TNR: variants seen among roughly 807,000 people sequenced by gnomAD.
TNR encodes tenascin R, also known as tenascin-R.
Under a neutral mutation model 150.4 loss-of-function variants are expected in TNR, and 45 were observed. The observed-to-expected ratio is 0.30, with a 90% confidence interval of 0.24 to 0.38. The LOEUF (loss-of-function observed/expected upper bound fraction) is 0.38. Ranked by LOEUF, TNR falls within the 10% of genes least tolerant of loss-of-function variation. The pLI, the probability that TNR is intolerant of heterozygous loss-of-function variation, is 1.00. For synonymous variants in TNR, 687 were observed against 678.4 expected (o/e 1.01, Z -0.20); for missense variants, 1,544 against 1,759.1 (o/e 0.88, Z 2.19).
chr1:175,384,016 T>C (rs1368177497), intron 8 of TNR, among the ~76,000 whole-genome samples: 4 of 152,216 alleles, frequency 2.6e-5, no homozygotes, highest in Non-Finnish European at 4.4e-5. Context: ...GTAATTGTCT[T>C]GATCAGAATT....
chr1:175,390,793 G>A (rs1376934722), intron 7 of TNR, among the ~76,000 whole-genome samples: 1 of 152,240 alleles, frequency 6.6e-6, no homozygotes, highest in Non-Finnish European at 1.5e-5. Context: ...TCAGCACAGA[G>A]CTGATTGCTT....
chr1:175,628,358 GGGACCTAT>G (rs1664219925), intron 1 of TNR, among the ~76,000 whole-genome samples: 1 of 152,024 alleles, frequency 6.6e-6, no homozygotes, highest in African/African-American at 2.4e-5. Context: ...GCCACTTAAA[GGGACCTAT>G]GGGGAAGGGG....
Position 175,462,686 on chromosome 1 carries a change from T to C in TNR, c.-63-55909A>G, listed in dbSNP as rs189795610. On this transcript the variant is annotated intron_variant, in intron 2 of 22. Coordinates refer to ENST00000367674, the MANE Select transcript of TNR (RefSeq NM_003285.3). The stretch of plus-strand genomic sequence containing the variant: ...TTCTGGAATCATAATGATGATTAAG[T>C]GTGGGAATGTCCTTGTTGCCTTAAA... Among the ~76,000 whole-genome samples the C allele has an allele frequency of 4.4e-3, 673 of 152,342 alleles. 4 individuals carry two copies. Among genetic ancestry groups the C allele is most frequent in the Middle Eastern group, 6.8e-3 (2 of 294 alleles).
intron 1 of TNR, among the ~76,000 whole-genome samples, chr1:175,586,607 T>C (rs1319910276): frequency 6.6e-6 from 1 of 152,168 alleles, no homozygotes. Flanking sequence ...TGCCCAGCCC[T>C]GCTTTCTTTA....
chr1:175,535,432 T>A (rs1184936128), intron 1 of TNR, among the ~76,000 whole-genome samples: 1 of 143,176 alleles, frequency 7.0e-6, no homozygotes, highest in Non-Finnish European at 1.5e-5. Flanking sequence ...TTCTTTTTTA[T>A]TTATTTATTT....
rs113096877 is a variant in TNR at position 175,398,499 on chromosome 1, C to T, written c.977-1692G>A. On this transcript the variant is annotated intron_variant, in intron 4 of 22. Transcript: ENST00000367674. ...AACCTTTGGGACAACCTATATAACACATACAGAATGACTCCTAGGCCATGA... is the reference window on the plus strand; with the variant it reads ...AACCTTTGGGACAACCTATATAACATATACAGAATGACTCCTAGGCCATGA... Among the ~76,000 whole-genome samples the T allele has an allele frequency of 5.9e-5, 9 of 152,266 alleles. 1 individual carries two copies. Among genetic ancestry groups the T allele is most frequent in the African/African-American group, 2.2e-4 (9 of 41,552 alleles).
intron 7 of TNR, among the ~76,000 whole-genome samples, chr1:175,389,187 A>G (rs1653062601): frequency 6.6e-6 from 1 of 152,224 alleles, no homozygotes; most frequent in African/African-American, 2.4e-5. Context: ...AAGAGGAATG[A>G]AAGAGCCTCA....
intron 1 of TNR, among the ~76,000 whole-genome samples, chr1:175,679,839 A>C (rs1027399954): frequency 6.6e-6 from 1 of 152,198 alleles, no homozygotes; most frequent in African/African-American, 2.4e-5. Context: ...AAGTCATTCC[A>C]TTGCTCTGAC....
At chr1:175,354,760 T>G (rs1651239559) in intron 17 of TNR, among the ~76,000 whole-genome samples, 1 of 152,192 alleles carries the variant, frequency 6.6e-6, no homozygotes, top group Non-Finnish European at 1.5e-5. Context: ...TTTAGGTACC[T>G]GCATTATTGA....
rs757639115 is a variant in TNR at position 175,335,778 on chromosome 1, AG to A, written c.3563del (p.Thr1188MetfsTer70). 3 of 1,614,080 alleles carry A rather than the reference AG, an allele frequency of 1.9e-6. No individual in the cohort carries two copies. Among genetic ancestry groups the A allele is most frequent in the Non-Finnish European group, 2.5e-6 (3 of 1,180,028 alleles). On this transcript the variant is annotated frameshift_variant, in exon 20 of 23. Coordinates refer to ENST00000367674, the MANE Select transcript of TNR (RefSeq NM_003285.3). LOFTEE classifies it high-confidence loss of function. ...IVFQRRQNGQ[T>X]DFFRKWADYR... The stretch of plus-strand genomic sequence containing the variant: ...AATCAGCCCATTTCCGGAAAAAATC[AG>A]TTTGGCCATTCTGCCGCCTCTGGAA...
chr1:175,386,358 G>A, intron 7 of TNR, 57 bp from the exon 8 acceptor site: 1 of 1,479,078 alleles, frequency 6.8e-7, no homozygotes, highest in Non-Finnish European at 9.0e-7. Flanking sequence ...AGCCTTGGGT[G>A]TCAGCTCTCT....
chr1:175,457,818 T>C lies in TNR; in HGVS notation c.-63-51041A>G, dbSNP rs189238803. Among the ~76,000 whole-genome samples the C allele has an allele frequency of 4.7e-4, 72 of 152,350 alleles. 1 individual carries two copies. The highest frequency in any genetic ancestry group is 1.6e-3 in the African/African-American group (65 of 41,578). On this transcript the variant is annotated intron_variant, in intron 2 of 22. Coordinates refer to ENST00000367674, the MANE Select transcript of TNR (RefSeq NM_003285.3). ...ATAAAACAGAAAGAGGTTTTCCTCA[T>C]TGAATCCTCCTTCGTACAGTTAAGT...
chr1:175,729,291 G>A (rs184060302), intron 1 of TNR, among the ~76,000 whole-genome samples: 1 of 152,242 alleles, frequency 6.6e-6, no homozygotes, highest in Admixed American at 6.5e-5. Context: ...CCCCTGGCAT[G>A]GGAGCCTCCC....
At chr1:175,712,395 G>C (rs1170902289) in intron 1 of TNR, among the ~76,000 whole-genome samples, 1 of 152,132 alleles carries the variant, frequency 6.6e-6, no homozygotes, top group Non-Finnish European at 1.5e-5. Flanking sequence ...CCAGTGAGGA[G>C]ACCACTGCAA....
chr1:175,694,931 C>T (rs1424135312), intron 1 of TNR, among the ~76,000 whole-genome samples: 3 of 152,210 alleles, frequency 2.0e-5, no homozygotes, highest in Non-Finnish European at 2.9e-5. Flanking sequence ...GTCTGTAGAA[C>T]TTTATTATGG....
intron 1 of TNR, among the ~76,000 whole-genome samples, chr1:175,727,584 A>G (rs1667514242): frequency 2.6e-5 from 4 of 152,236 alleles, no homozygotes; most frequent in Admixed American, 2.6e-4. Context: ...AGATATCAGA[A>G]CACATTTCTA....
intron 1 of TNR, among the ~76,000 whole-genome samples, chr1:175,626,407 G>GT (rs1255697314): frequency 2.0e-5 from 3 of 152,076 alleles, no homozygotes; most frequent in African/African-American, 7.2e-5. Context: ...CTCTCTTTCT[G>GT]CTGCTCCCTC....
intron 4 of TNR, among the ~76,000 whole-genome samples, chr1:175,401,595 T>C (rs1653704353): frequency 1.3e-5 from 2 of 152,156 alleles, no homozygotes; most frequent in Admixed American, 6.5e-5. Flanking sequence ...GAACATTAAA[T>C]TTTTTTCCCT....
At chr1:175,395,875 G>A (rs1653402401) in intron 5 of TNR, among the ~76,000 whole-genome samples, 1 of 152,130 alleles carries the variant, frequency 6.6e-6, no homozygotes. Context: ...ACCCACAGAA[G>A]TTTCCCTTTA....
Sources: gnomAD v4.1 joint callset for allele counts (sites outside exome capture counted in the v4.1 genomes callset) on GRCh38, gnomAD v4.1.1 for gene constraint, MANE v1.5 for transcripts, NCBI Gene and HGNC (gene_info 2026-07-23, HGNC 2026-07-21) for gene names.